The following FGF13 variants were observed in gnomAD, a reference collection of about 807,000 sequenced individuals.
FGF13 encodes fibroblast growth factor 13, also known as fibroblast growth factor homologous factor 2.
In FGF13, 2 loss-of-function variants were observed where a neutral mutation model predicts 19.5. That is an observed-to-expected ratio of 0.10 (90% CI 0.04 to 0.32). The LOEUF is 0.32. FGF13 is among the 10% of genes least tolerant of loss of function. The pLI is 1.00. For synonymous variants in FGF13, 72 were observed against 76.9 expected, an observed-to-expected ratio of 0.94 and a Z score of 0.33; for missense variants, 113 against 192.7, an observed-to-expected ratio of 0.59 and a Z score of 2.45.
At chrX:138,694,279 A>T (rs1300652995) in intron 3 of FGF13, among the ~76,000 whole-genome samples, 1 of 111,467 alleles carries the variant, frequency 9.0e-6, no homozygotes, top group African/African-American at 3.3e-5. Context: ...ATTAAAACAT[A>T]TATCAGAATC....
intron 1 of FGF13, among the ~76,000 whole-genome samples, chrX:139,049,418 G>T (rs1412729254): frequency 8.9e-6 from 1 of 111,978 alleles, no homozygotes; most frequent in Non-Finnish European, 1.9e-5. Flanking sequence ...TAATTAAAAT[G>T]TTTCTGTCAC....
At chrX:138,775,057 T>TCAACCTCCACCTC (rs1400912892) in intron 3 of FGF13, among the ~76,000 whole-genome samples, 1 of 112,571 alleles carries the variant, frequency 8.9e-6, no homozygotes, top group African/African-American at 3.2e-5. Context: ...CCTCCAAGGT[T>TCAACCTCCACCTC]CAAGTGATTC....
At chrX:138,980,746 A>G (rs765525418) in intron 1 of FGF13, among the ~76,000 whole-genome samples, 1 of 106,629 alleles carries the variant, frequency 9.4e-6, no homozygotes, top group South Asian at 4.4e-4. Context: ...TAGGAGAAAT[A>G]CAGGTTGTTT....
chrX:138,697,014 A>G (rs2089902991), intron 3 of FGF13, among the ~76,000 whole-genome samples: 1 of 112,500 alleles, frequency 8.9e-6, no homozygotes. Flanking sequence ...AACTGATTTT[A>G]CAATGGCCAA....
intron 1 of FGF13, among the ~76,000 whole-genome samples, chrX:138,710,014 T>C (rs17538816): frequency 9.0e-6 from 1 of 111,191 alleles, no homozygotes; most frequent in Non-Finnish European, 1.9e-5. Context: ...TGGTTAAGAA[T>C]GGCAAATAAA....
At chrX:138,972,476 C>G (rs1392827814) in intron 1 of FGF13, among the ~76,000 whole-genome samples, 1 of 107,576 alleles carries the variant, frequency 9.3e-6, no homozygotes, top group Non-Finnish European at 1.9e-5. Context: ...CCTGCCTCAG[C>G]CTTCCGAGTA....
chrX:138,996,930 C>T (rs2092045762), intron 1 of FGF13, among the ~76,000 whole-genome samples: 1 of 111,862 alleles, frequency 8.9e-6, no homozygotes, highest in African/African-American at 3.3e-5. Context: ...TACAGAAGAG[C>T]TTTGGCTGGC....
rs774562819 is a variant in FGF13, at chrX:139,108,865, T to G, written c.-113+94551A>C. On this transcript the variant is annotated intron_variant, in intron 1 of 2. Transcript: ENST00000421460. Reference sequence around the variant, plus strand: ...AACCCCACCCCCCAACAGGCCCCAGTGTGTGTTGTTCCCCTCCCTGTGTCC... The same window carrying G: ...AACCCCACCCCCCAACAGGCCCCAGGGTGTGTTGTTCCCCTCCCTGTGTCC... 1.0e-4 allele frequency among the ~76,000 whole-genome samples: 8 copies of G among 79,452 alleles called. 1 individual carries two copies. The South Asian group carries it at 6.2e-3, about 61-fold the overall frequency. The allele number at this position is 79,452 out of a possible 115,157, so 69.0% of individuals were successfully genotyped here. A position where few individuals can be genotyped will look rare whatever the true frequency, so the allele number is the denominator to read the frequency against.
At chrX:138,776,553 T>C (rs1274209247) in intron 3 of FGF13, among the ~76,000 whole-genome samples, 1 of 112,233 alleles carries the variant, frequency 8.9e-6, no homozygotes, top group African/African-American at 3.2e-5. Context: ...TGGTAAGAAG[T>C]GCAACTGGGG....
chrX:139,120,796 G>A (rs2083671874), intron 1 of FGF13, among the ~76,000 whole-genome samples: 1 of 112,937 alleles, frequency 8.9e-6, no homozygotes, highest in Admixed American at 9.3e-5. Context: ...TGTGGGCTGT[G>A]GGCCAGCCAG....
At chrX:138,789,373 G>C (rs1195308927) in intron 3 of FGF13, among the ~76,000 whole-genome samples, 2 of 105,336 alleles carry the variant, frequency 1.9e-5, no homozygotes, top group Non-Finnish European at 3.9e-5. Flanking sequence ...GTAGAGATGG[G>C]GTTTCACCAT....
At chrX:138,758,605 C>T (rs1451658746) in intron 3 of FGF13, among the ~76,000 whole-genome samples, 1 of 111,192 alleles carries the variant, frequency 9.0e-6, no homozygotes, top group Non-Finnish European at 1.9e-5. Flanking sequence ...AATGCAAGGC[C>T]CTTGGCATAC....
intron 1 of FGF13, among the ~76,000 whole-genome samples, chrX:139,128,841 G>C (rs2083737861): frequency 9.0e-6 from 1 of 111,191 alleles, no homozygotes; most frequent in Non-Finnish European, 1.9e-5. Flanking sequence ...ATGGAAACTA[G>C]TAAATAATTA....
chrX:138,900,766 A>T (rs916100592), intron 1 of FGF13, among the ~76,000 whole-genome samples: 1 of 111,490 alleles, frequency 9.0e-6, no homozygotes, highest in African/African-American at 3.3e-5. Flanking sequence ...AAGGCTTTAT[A>T]TGACATTACC....
intron 1 of FGF13, among the ~76,000 whole-genome samples, chrX:138,734,982 T>C (rs1167414664): frequency 1.8e-5 from 2 of 112,014 alleles, no homozygotes; most frequent in Non-Finnish European, 3.8e-5. Flanking sequence ...GAAAGGTATG[T>C]TGAGCCAGAC....
chrX:138,749,597 T>C (rs1419553845), intron 3 of FGF13, among the ~76,000 whole-genome samples: 1 of 110,881 alleles, frequency 9.0e-6, no homozygotes, highest in Non-Finnish European at 1.9e-5. Flanking sequence ...CTGAGAAAAT[T>C]GCAGGCAGAG....
intron 1 of FGF13, among the ~76,000 whole-genome samples, chrX:138,896,028 G>T (rs1049838492): frequency 8.9e-6 from 1 of 111,910 alleles, no homozygotes; most frequent in East Asian, 2.8e-4. Context: ...GGCTCAAAGG[G>T]TACAAAGATT....
chrX:138,822,659 G>A (rs756064261), intron 3 of FGF13, among the ~76,000 whole-genome samples: 5 of 112,166 alleles, frequency 4.5e-5, no homozygotes, highest in East Asian at 5.6e-4. Flanking sequence ...ACAGGAATCC[G>A]AAATTTTAGG....
chrX:139,120,228 A>T (rs1170850627), intron 1 of FGF13, among the ~76,000 whole-genome samples: 1 of 112,347 alleles, frequency 8.9e-6, no homozygotes, highest in Non-Finnish European at 1.9e-5. Context: ...TAAATTACCC[A>T]GTCTCAAGTA....
Sources: gnomAD v4.1 joint callset for allele counts (sites outside exome capture counted in the v4.1 genomes callset) on GRCh38, gnomAD v4.1.1 for gene constraint, MANE v1.5 for transcripts, NCBI Gene and HGNC (gene_info 2026-07-23, HGNC 2026-07-21) for gene names.